The following SLC12A5 variants were observed in gnomAD, a reference collection of about 807,000 sequenced individuals.
SLC12A5 encodes the protein solute carrier family 12 member 5.
In SLC12A5, 18 loss-of-function variants were observed where a neutral mutation model predicts 124.0. The observed-to-expected ratio is 0.15, with a 90% confidence interval of 0.10 to 0.22. The LOEUF is 0.22. Ranked by LOEUF, SLC12A5 falls within the 10% of genes least tolerant of loss-of-function variation. The pLI is 1.00. For missense variants in SLC12A5, 867 were observed against 1,478.7 expected, an observed-to-expected ratio of 0.59 and a Z score of 6.78; for synonymous variants, 589 against 568.0, an observed-to-expected ratio of 1.04 and a Z score of -0.53.
At position 46,051,793 on chromosome 20, in the gene SLC12A5, A is replaced by G. The variant is rs995997850; in HGVS notation, c.2300A>G (p.Gln767Arg). Residue 767 changes from glutamine to arginine, a missense_variant, in exon 18 of 26, where the codon CAG (glutamine) becomes CGG (arginine). Physicochemically the swap from Gln to Arg is conservative, Grantham distance 43 (BLOSUM62 1). Coordinates refer to ENST00000243964, the MANE Select transcript of SLC12A5 (RefSeq NM_020708.5). ...LIQSGGLGGL[Q>R]HNTVLVGWPR... ...CAGTCCGGGGGCCTCGGGGGGCTGC[A>G]GCACAACACTGTGCTTGTTGGCTGG... The G allele has an allele frequency of 2.5e-6, 4 of 1,606,400 alleles. No individual in the cohort carries two copies. In the African/African-American group the frequency reaches 5.4e-5, roughly 22 times the overall value.
In SLC12A5 at chr20:46,045,814, G is replaced by A; in HGVS notation, c.1570-64G>A. The A allele has an allele frequency of 1.5e-6, 2 of 1,372,506 alleles. No individual in the cohort carries two copies. The highest frequency in any genetic ancestry group is 2.3e-5 in the East Asian group (1 of 43,518). 85.0% of individuals were successfully genotyped at this position (1,372,506 alleles called of 1,614,324 possible). Reference sequence around the variant, plus strand: ...CTGCCTCTACTCCACTGGTTCCCGAGGCTAGGGGAGAGGGCTGAGAAATCC... The same window carrying A: ...CTGCCTCTACTCCACTGGTTCCCGAAGCTAGGGGAGAGGGCTGAGAAATCC... On this transcript the variant is annotated intron_variant, in intron 12 of 25. Coordinates refer to ENST00000243964, the MANE Select transcript of SLC12A5 (RefSeq NM_020708.5). This position sits in a 1 kb window ranked among gnomAD's most constrained non-coding sequence, Gnocchi z 4.9.
intron 18 of SLC12A5, among the ~76,000 whole-genome samples, chr20:46,052,247 T>C (rs2084652999): frequency 6.6e-6 from 1 of 152,268 alleles, no homozygotes; most frequent in African/African-American, 2.4e-5. Context: ...GATTTCTTGG[T>C]AATCGTAGGT....
At chr20:46,024,812 T>G (rs1411253450), upstream of SLC12A5, among the ~76,000 whole-genome samples, 1 of 152,230 alleles carries the variant, frequency 6.6e-6, no homozygotes, top group African/African-American at 2.4e-5. Flanking sequence ...TGATGGTGAC[T>G]TGGATGAACA....
At position 46,056,889 on chromosome 20, in the gene SLC12A5, T is replaced by G; in HGVS notation, c.3111-8T>G. On this transcript the variant is annotated splice_region_variant and splice_polypyrimidine_tract_variant and intron_variant, in intron 23 of 25. Coordinates refer to ENST00000243964, the MANE Select transcript of SLC12A5 (RefSeq NM_020708.5). This position sits in a 1 kb window ranked among gnomAD's most constrained non-coding sequence, Gnocchi z 4.3. ...TTTCTCTCTTTGCATCTCTTGTGTT[T>G]CCTGAAGGGAGTGGGAGAACTTGTA... The G allele has an allele frequency of 6.2e-7, 1 of 1,613,976 alleles. No homozygotes were observed. The highest frequency in any genetic ancestry group is 8.5e-7 in the Non-Finnish European group (1 of 1,179,842).
intron 10 of SLC12A5, 53 bp downstream of exon 10, chr20:46,043,784 G>A (rs2084569581): frequency 1.9e-6 from 3 of 1,612,814 alleles, no homozygotes; most frequent in Non-Finnish European, 2.5e-6. Flanking sequence ...AAGAGGGAGG[G>A]CAGCTGAACT....
chr20:46,036,085 C>A, intron 4 of SLC12A5, 162 bp downstream of exon 4: 1 of 822,684 alleles, frequency 1.2e-6, no homozygotes, highest in Non-Finnish European at 1.8e-6. Context: ...CTTCCTGCAT[C>A]TCACAGGCTT....
intron 20 of SLC12A5, among the ~76,000 whole-genome samples, chr20:46,054,637 T>C (rs771564148): frequency 2.0e-5 from 3 of 152,260 alleles, no homozygotes; most frequent in Non-Finnish European, 4.4e-5. Context: ...AGGTGATTAA[T>C]TAATCCACTC....
At chr20:46,043,610 C>A (rs140632424) in intron 9 of SLC12A5, 23 bp from the exon 10 acceptor site, 157 of 1,613,144 alleles carry the variant, frequency 9.7e-5, no homozygotes, top group Non-Finnish European at 1.2e-4. Context: ...GGCTTGAGTC[C>A]TAGCTGCACT....
chr20:46,025,142 C>T (rs1032275015), upstream of SLC12A5, among the ~76,000 whole-genome samples: 5 of 152,212 alleles, frequency 3.3e-5, no homozygotes, highest in African/African-American at 1.2e-4. Flanking sequence ...AGGAAGCTAT[C>T]TAAGGGTCCT....
chr20:46,055,824 A>C, intron 21 of SLC12A5: 1 of 312,608 alleles, frequency 3.2e-6, no homozygotes, highest in Non-Finnish European at 6.0e-6. Context: ...AGTGTTATCC[A>C]AGGGAGGTAG....
At chr20:46,037,114 C>G (rs530185988) in intron 5 of SLC12A5, 141 bp from the exon 6 acceptor site, 1 of 1,275,052 alleles carries the variant, frequency 7.8e-7, no homozygotes, top group Admixed American at 2.3e-5. Context: ...GGTCTCTCAC[C>G]AGTCCCCTTT....
At chr20:46,041,056 T>G in intron 7 of SLC12A5, 1 of 359,794 alleles carries the variant, frequency 2.8e-6, no homozygotes, top group Non-Finnish European at 5.1e-6. Context: ...TGCTCAGAGG[T>G]GGAGGGCGGC....
At chr20:46,041,926 CG>C (rs560393937) in intron 8 of SLC12A5, among the ~76,000 whole-genome samples, 1 of 151,136 alleles carries the variant, frequency 6.6e-6, no homozygotes, top group Non-Finnish European at 1.5e-5. Flanking sequence ...AGAGAATGCC[CG>C]GGGGGGGAGA....
chr20:46,048,859 C>A (rs1473467923), intron 16 of SLC12A5, among the ~76,000 whole-genome samples: 2 of 83,026 alleles, frequency 2.4e-5, no homozygotes, highest in East Asian at 7.3e-4. Context: ...CAGAGTGAGA[C>A]CCTGTCTCAA....
rs2084572699 is a variant in SLC12A5 at position 46,044,081 on chromosome 20, T to C, written c.1394+148T>C. On this transcript the variant is annotated intron_variant, in intron 11 of 25. Coordinates refer to ENST00000243964, the MANE Select transcript of SLC12A5 (RefSeq NM_020708.5). ...GGGGATTGCTTGCAAAGTCATCTTCTTATATTTCATCTTCCTTCTGTCACT... is the reference window on the plus strand; with the variant it reads ...GGGGATTGCTTGCAAAGTCATCTTCCTATATTTCATCTTCCTTCTGTCACT... 4 of 645,828 alleles carry C rather than the reference T, an allele frequency of 6.2e-6. No homozygotes were observed. The East Asian group carries it at 1.1e-4, about 18-fold the overall frequency. The allele number at this position is 645,828 out of a possible 1,614,324, so 40.0% of individuals were successfully genotyped here.
At chr20:46,029,188 G>A (rs1230079698), upstream of SLC12A5, 68 of 1,437,960 alleles carry the variant, frequency 4.7e-5, no homozygotes, top group Non-Finnish European at 5.7e-5. Flanking sequence ...GTCCGTGTGC[G>A]AGTGTGTGTG....
chr20:46,052,520 A>G (rs565493196), intron 18 of SLC12A5, among the ~76,000 whole-genome samples: 2 of 152,368 alleles, frequency 1.3e-5, no homozygotes, highest in Non-Finnish European at 2.9e-5. Context: ...CTGGCAAACT[A>G]CAGAGTAAAT....
chr20:46,027,093 A>G (rs1296339528), upstream of SLC12A5, among the ~76,000 whole-genome samples: 1 of 152,252 alleles, frequency 6.6e-6, no homozygotes, highest in Non-Finnish European at 1.5e-5. Flanking sequence ...AGTAGAACAC[A>G]GTGCTGCTGC....
chr20:46,054,610 C>A (rs2084673963), intron 20 of SLC12A5, among the ~76,000 whole-genome samples: 1 of 152,208 alleles, frequency 6.6e-6, no homozygotes, highest in African/African-American at 2.4e-5. Flanking sequence ...TTTCTTCTTT[C>A]CCTTCTCCAT....
Sources: allele counts gnomAD v4.1 joint callset (sites outside exome capture counted in the v4.1 genomes callset), GRCh38; gene constraint gnomAD v4.1.1; non-coding constraint Gnocchi (gnomAD v3.1); transcripts MANE v1.5; gene names NCBI Gene and HGNC (gene_info 2026-07-23, HGNC 2026-07-21).